NINL: variants seen among roughly 807,000 people sequenced by gnomAD.
NINL encodes ninein like, also known as ninein-like protein.
Under a neutral mutation model 160.3 loss-of-function variants are expected in NINL, and 153 were observed. The ratio of observed to expected loss-of-function variants is 0.95; its 90% CI spans 0.84 to 1.09. The LOEUF is 1.09. Ranked by LOEUF, NINL falls within the 50% of genes least tolerant of loss-of-function variation. The probability of loss-of-function intolerance (pLI) is 0.00; values close to 1 mark genes in which losing one functional copy is unlikely to be tolerated. For missense variants in NINL, 1,829 were observed against 1,764.0 expected, an observed-to-expected ratio of 1.04 and a Z score of -0.66; for synonymous variants, 800 against 734.8, an observed-to-expected ratio of 1.09 and a Z score of -1.43.
intron 16 of NINL, among the ~76,000 whole-genome samples, chr20:25,477,336 T>C (rs1466291657): frequency 6.6e-6 from 1 of 152,130 alleles, no homozygotes; most frequent in African/African-American, 2.4e-5. Flanking sequence ...CCTTTCCATG[T>C]GGAGTGTTCA....
At chr20:25,497,964 G>A (rs1242592236) in intron 9 of NINL, among the ~76,000 whole-genome samples, 1 of 152,246 alleles carries the variant, frequency 6.6e-6, no homozygotes, top group African/African-American at 2.4e-5. Context: ...ACCCAGCCCA[G>A]AAACACGGAT....
chr20:25,497,794 C>T (rs941811307), intron 9 of NINL, among the ~76,000 whole-genome samples: 4 of 152,156 alleles, frequency 2.6e-5, no homozygotes, highest in Non-Finnish European at 5.9e-5. Flanking sequence ...AGCGCCTGCA[C>T]CAGCATGAGG....
chr20:25,578,081 C>G (rs946183907), intron 1 of NINL, among the ~76,000 whole-genome samples: 3 of 151,530 alleles, frequency 2.0e-5, no homozygotes, highest in African/African-American at 7.3e-5. Flanking sequence ...ATCTGCCTGC[C>G]TCGGCCTCCC....
At chr20:25,471,365 G>A (rs920018437) in intron 17 of NINL, among the ~76,000 whole-genome samples, 2 of 152,072 alleles carry the variant, frequency 1.3e-5, no homozygotes, top group African/African-American at 4.8e-5. Context: ...AGGAACTAAA[G>A]ACAAAAATAA....
chr20:25,495,833 G>A (rs1020197187), intron 10 of NINL, among the ~76,000 whole-genome samples: 1 of 152,214 alleles, frequency 6.6e-6, no homozygotes, highest in African/African-American at 2.4e-5. Context: ...TGCGGTGGTT[G>A]TATCCTTAAA....
chr20:25,527,777 T>C (rs1370151890), intron 1 of NINL, among the ~76,000 whole-genome samples: 1 of 152,202 alleles, frequency 6.6e-6, no homozygotes, highest in African/African-American at 2.4e-5. Flanking sequence ...GAGGAAGGAA[T>C]TGGCAAACAT....
intron 17 of NINL, among the ~76,000 whole-genome samples, chr20:25,472,736 C>T (rs1331181044): frequency 1.3e-5 from 2 of 151,934 alleles, no homozygotes; most frequent in African/African-American, 4.8e-5. Flanking sequence ...CCTTATGTTG[C>T]CCAGACTGAT....
rs969895975 is a variant in NINL, at chr20:25,456,574, A to G, written c.3844-788T>C. Reference sequence around the variant, plus strand: ...AAAAAAAAACACAAAAAACAAAAACAAAAAGGTTACAGGCAATATTTTACA... The same window carrying G: ...AAAAAAAAACACAAAAAACAAAAACGAAAAGGTTACAGGCAATATTTTACA... On this transcript the variant is annotated intron_variant, in intron 22 of 23. Coordinates refer to ENST00000278886, the MANE Select transcript of NINL (RefSeq NM_025176.6). 5.3e-5 allele frequency among the ~76,000 whole-genome samples: 8 copies of G among 152,074 alleles called. No homozygotes were observed. The East Asian group carries it at 1.4e-3, about 26-fold the overall frequency.
intron 17 of NINL, among the ~76,000 whole-genome samples, chr20:25,474,118 C>A (rs1398647432): frequency 6.6e-6 from 1 of 152,148 alleles, no homozygotes; most frequent in South Asian, 2.1e-4. Flanking sequence ...CACAAGTGTC[C>A]TTAGAGGTAG....
intron 2 of NINL, among the ~76,000 whole-genome samples, chr20:25,523,670 T>C (rs974963494): frequency 2.6e-5 from 4 of 152,078 alleles, no homozygotes; most frequent in Non-Finnish European, 5.9e-5. Flanking sequence ...TGAGATGGAG[T>C]CTTGCTCTGT....
In NINL at chr20:25,564,019, C is replaced by T. The variant is rs73337362; in HGVS notation, c.-12+21436G>A. 6.5e-3 allele frequency among the ~76,000 whole-genome samples: 995 copies of T among 152,174 alleles called. 16 individuals are homozygous for T. The highest frequency in any genetic ancestry group is 0.023 in the African/African-American group (953 of 41,504). On this transcript the variant is annotated intron_variant, in intron 1 of 23. Transcript: ENST00000278886. ...GGATTGCTTTAGCCCAGGAGACCAA[C>T]CCGAGCAACAAAGCAAGACCTCATC...
At chr20:25,473,494 TAAATAAAATA>T (rs71185303) in intron 17 of NINL, among the ~76,000 whole-genome samples, 6,901 of 142,114 alleles carry the variant, frequency 0.049, 170 homozygotes, top group Non-Finnish European at 0.061. Context: ...AATAATAAAA[TAAATAAAATA>T]AAATAAAATA....
chr20:25,528,989 A>C (rs1329918340), intron 1 of NINL, among the ~76,000 whole-genome samples: 2 of 152,206 alleles, frequency 1.3e-5, no homozygotes. Context: ...TCATCCACAC[A>C]GGGTACGGAA....
intron 9 of NINL, among the ~76,000 whole-genome samples, chr20:25,497,173 A>G (rs1048766020): frequency 6.6e-6 from 1 of 152,232 alleles, no homozygotes; most frequent in Admixed American, 6.5e-5. Flanking sequence ...TACCTAATTC[A>G]GTAACGGGCA....
At chr20:25,513,833 T>C (rs897898375) in intron 3 of NINL, among the ~76,000 whole-genome samples, 2 of 152,232 alleles carry the variant, frequency 1.3e-5, no homozygotes, top group African/African-American at 4.8e-5. Flanking sequence ...GATTCTGAGT[T>C]TCCTGAGGCA....
At chr20:25,530,079 G>A (rs1320664442) in intron 1 of NINL, among the ~76,000 whole-genome samples, 1 of 151,980 alleles carries the variant, frequency 6.6e-6, no homozygotes, top group African/African-American at 2.4e-5. Context: ...TCTCTTTTAT[G>A]TTTAGTTGTA....
chr20:25,474,355 A>G (rs933396701), intron 17 of NINL, among the ~76,000 whole-genome samples: 1 of 152,138 alleles, frequency 6.6e-6, no homozygotes, highest in African/African-American at 2.4e-5. Flanking sequence ...AAAACATCGC[A>G]CTTTTGTGCC....
chr20:25,579,170 T>C (rs1459663097), intron 1 of NINL, among the ~76,000 whole-genome samples: 1 of 152,086 alleles, frequency 6.6e-6, no homozygotes, highest in Non-Finnish European at 1.5e-5. Flanking sequence ...CCCCACTGTG[T>C]TGGGAGGCAC....
At chr20:25,521,980 C>T (rs1161115983) in intron 2 of NINL, among the ~76,000 whole-genome samples, 1 of 152,144 alleles carries the variant, frequency 6.6e-6, no homozygotes, top group Non-Finnish European at 1.5e-5. Flanking sequence ...AATCACAGCT[C>T]ACTGCAGCTT....
Sources: gnomAD v4.1 joint callset for allele counts (sites outside exome capture counted in the v4.1 genomes callset) on GRCh38, gnomAD v4.1.1 for gene constraint, MANE v1.5 for transcripts, NCBI Gene and HGNC (gene_info 2026-07-23, HGNC 2026-07-21) for gene names.